Variants in RBFOX3 observed in about 807,000 individuals in gnomAD.
RBFOX3 encodes RNA binding fox-1 homolog 3, also known as RNA binding protein fox-1 homolog 3.
RBFOX3 carries 17 observed loss-of-function variants against 48.7 expected under a neutral mutation model. That is an observed-to-expected ratio of 0.35 (90% confidence interval 0.24 to 0.52). RBFOX3 has a LOEUF of 0.52. Ranked by LOEUF, RBFOX3 falls within the 20% of genes least tolerant of loss-of-function variation. The pLI, the probability that RBFOX3 is intolerant of heterozygous loss-of-function variation, is 0.94. For missense variants in RBFOX3, 382 were observed against 497.5 expected, an observed-to-expected ratio of 0.77 and a Z score of 2.21; for synonymous variants, 212 against 209.5, an observed-to-expected ratio of 1.01 and a Z score of -0.10.
At chr17:79,123,173 A>T (rs979445575) in intron 4 of RBFOX3, among the ~76,000 whole-genome samples, 4 of 152,210 alleles carry the variant, frequency 2.6e-5, no homozygotes, top group Non-Finnish European at 5.9e-5. Flanking sequence ...ATAGTCAATA[A>T]TAACTTAATT....
chr17:79,620,136 C>A, the RBFOX3 span, among the ~76,000 whole-genome samples: 1 of 143,366 alleles, frequency 7.0e-6, no homozygotes, highest in East Asian at 2.0e-4. Context: ...CACACATGCA[C>A]ACGCGCACAC....
intron 11 of RBFOX3, 142 bp from the exon 12 acceptor site, chr17:79,096,975 G>A: frequency 1.7e-6 from 1 of 598,706 alleles, no homozygotes; most frequent in Non-Finnish European, 3.0e-6. Flanking sequence ...CCCAGGGAAT[G>A]GGAGCAGAGA....
intron 3 of RBFOX3, among the ~76,000 whole-genome samples, chr17:79,251,262 T>C (rs948465294): frequency 6.6e-6 from 1 of 152,172 alleles, no homozygotes; most frequent in Non-Finnish European, 1.5e-5. Flanking sequence ...TCCAGATCTC[T>C]GGCACCTCCT....
At chr17:79,622,409 G>A in the RBFOX3 span, among the ~76,000 whole-genome samples, 4 of 152,116 alleles carry the variant, frequency 2.6e-5, no homozygotes, top group Non-Finnish European at 5.9e-5. Flanking sequence ...AGGTGGGGCT[G>A]GGAGGTGGCC....
At chr17:79,114,383 G>A (rs1290823599) in intron 5 of RBFOX3, among the ~76,000 whole-genome samples, 1 of 152,172 alleles carries the variant, frequency 6.6e-6, no homozygotes, top group Non-Finnish European at 1.5e-5. Context: ...GCAGATTCGG[G>A]CTGGGCGGGG....
chr17:79,396,927 A>T (rs1479485692), intron 2 of RBFOX3, among the ~76,000 whole-genome samples: 1 of 152,238 alleles, frequency 6.6e-6, no homozygotes, highest in Admixed American at 6.5e-5. Flanking sequence ...CATCCATGGT[A>T]GGGAAGTCTG....
At chr17:79,127,695 G>A (rs2147371667) in intron 4 of RBFOX3, among the ~76,000 whole-genome samples, 1 of 152,290 alleles carries the variant, frequency 6.6e-6, no homozygotes, top group East Asian at 1.9e-4. Context: ...CTGGGGTCGG[G>A]TCTGGTTCCA....
intron 1 of RBFOX3, among the ~76,000 whole-genome samples, chr17:79,522,036 A>G (rs1177784770): frequency 6.6e-6 from 1 of 152,146 alleles, no homozygotes; most frequent in Non-Finnish European, 1.5e-5. Flanking sequence ...ACCCGACGGA[A>G]TCTTGGACCA....
At chr17:79,625,275 G>T in the RBFOX3 span, among the ~76,000 whole-genome samples, 1 of 152,086 alleles carries the variant, frequency 6.6e-6, no homozygotes, top group South Asian at 2.1e-4. Context: ...ATACTTCTTT[G>T]TTGCCTGGCT....
intron 2 of RBFOX3, among the ~76,000 whole-genome samples, chr17:79,437,068 T>C (rs1346727452): frequency 6.6e-6 from 1 of 152,066 alleles, no homozygotes; most frequent in Non-Finnish European, 1.5e-5. Flanking sequence ...CCGATTCCCT[T>C]CTCCAACAGG....
rs1452834892 is a variant in RBFOX3 at position 79,468,695 on chromosome 17, T to C, written c.-175+13759A>G. Among the ~76,000 whole-genome samples the C allele has an allele frequency of 1.4e-4, 20 of 140,340 alleles. 1 individual carries two copies. The East Asian group carries it at 4.3e-3, about 30-fold the overall frequency. 92.1% of individuals were successfully genotyped at this position (140,340 alleles called of 152,430 possible). ...GATAGATAGGAGACAGGCAGACAGA[T>C]AGGAGGATAGACGAATGGATGCATA... On this transcript the variant is annotated intron_variant, in intron 2 of 14. Coordinates refer to ENST00000693108, the MANE Select transcript of RBFOX3 (RefSeq NM_001350451.2).
At chr17:79,331,327 G>A (rs1332208018) in intron 2 of RBFOX3, among the ~76,000 whole-genome samples, 1 of 152,094 alleles carries the variant, frequency 6.6e-6, no homozygotes. Context: ...CCACATGTCT[G>A]GGATGGCCAC....
At position 79,403,186 on chromosome 17, in the gene RBFOX3, G is replaced by A. The variant is rs530006673; in HGVS notation, c.-175+79268C>T. 1.3e-3 allele frequency among the ~76,000 whole-genome samples: 198 copies of A among 152,222 alleles called. 2 individuals are homozygous for A. Among genetic ancestry groups the A allele is most frequent in the South Asian group, 4.1e-3 (20 of 4,824 alleles). On this transcript the variant is annotated intron_variant, in intron 2 of 14. Coordinates refer to ENST00000693108, the MANE Select transcript of RBFOX3 (RefSeq NM_001350451.2). ...CTCCCTTGGTGCTTGGGGAGGGGCG[G>A]TGAAAAGCAAGACCCTCCCCACCAC...
intron 2 of RBFOX3, among the ~76,000 whole-genome samples, chr17:79,467,886 G>A (rs758292442): frequency 2.7e-5 from 4 of 150,734 alleles, no homozygotes; most frequent in East Asian, 2.0e-4. Flanking sequence ...CTCCCACCAC[G>A]CCCTCTGACC....
In RBFOX3 at chr17:79,249,826, G is replaced by C. The variant is rs946344768; in HGVS notation, c.-73-14021C>G. Among the ~76,000 whole-genome samples the C allele has an allele frequency of 6.6e-6, 1 of 152,136 alleles. No individual in the cohort carries two copies. The highest frequency in any genetic ancestry group is 2.4e-5 in the African/African-American group (1 of 41,434). ...CCCTGTCTCTAGGGATCTGTCCCTA[G>C]ATAGGCTTCTTCTGCCATGCCAGTC... On this transcript the variant is annotated intron_variant, in intron 3 of 14. Coordinates refer to ENST00000693108, the MANE Select transcript of RBFOX3 (RefSeq NM_001350451.2). The surrounding 1 kb of genome is among the most constrained non-coding windows in gnomAD (Gnocchi z 4.1).
chr17:79,406,839 G>C (rs551751338), intron 2 of RBFOX3, among the ~76,000 whole-genome samples: 101 of 152,318 alleles, frequency 6.6e-4, no homozygotes, highest in Admixed American at 1.6e-3. Context: ...AGGACCTGGG[G>C]GGACAATATT....
At chr17:79,606,875 C>T (rs2093843106) in intron 1 of RBFOX3, among the ~76,000 whole-genome samples, 1 of 151,584 alleles carries the variant, frequency 6.6e-6, no homozygotes, top group Non-Finnish European at 1.5e-5. Context: ...ACTCAGAAAG[C>T]ACAGGAGGAA....
At chr17:79,277,012 C>T (rs996741193) in intron 3 of RBFOX3, among the ~76,000 whole-genome samples, 2 of 152,210 alleles carry the variant, frequency 1.3e-5, no homozygotes, top group Admixed American at 1.3e-4. Flanking sequence ...CACATGATGA[C>T]GTCAGCCTCG....
intron 4 of RBFOX3, among the ~76,000 whole-genome samples, chr17:79,137,473 C>T (rs1411144977): frequency 2.0e-5 from 3 of 152,192 alleles, no homozygotes; most frequent in African/African-American, 7.2e-5. Flanking sequence ...CCCGACCCCT[C>T]CACACACACG....
Sources: gnomAD v4.1 joint callset for allele counts (sites outside exome capture counted in the v4.1 genomes callset) on GRCh38, gnomAD v4.1.1 for gene constraint, Gnocchi (gnomAD v3.1) non-coding constraint, MANE v1.5 for transcripts, NCBI Gene and HGNC (gene_info 2026-07-23, HGNC 2026-07-21) for gene names.